The following ISX variants were observed in gnomAD, a reference collection of about 807,000 sequenced individuals.
ISX encodes the protein intestine specific homeobox.
Under a neutral mutation model 16.9 loss-of-function variants are expected in ISX, and 15 were observed. The observed-to-expected ratio is 0.89, with a 90% confidence interval of 0.59 to 1.36. The LOEUF (loss-of-function observed/expected upper bound fraction) is 1.36, where lower values mean the gene tolerates loss of function less well. Ranked by LOEUF, ISX falls within the 40% of genes most tolerant of loss-of-function variation. ISX has a pLI of 0.00. For missense variants in ISX, 316 were observed against 306.1 expected (o/e 1.03, Z -0.24); for synonymous variants, 125 against 119.7 (o/e 1.04, Z -0.29).
intron 4 of ISX, 81 bp downstream of exon 4, chr22:35,084,580 A>C (rs1201345989): frequency 5.7e-6 from 5 of 870,212 alleles, no homozygotes; most frequent in Non-Finnish European, 9.1e-6. Context: ...GTGAAGAAGC[A>C]CCTCGGGGGC....
chr22:35,079,681 G>A (rs1453291501), intron 2 of ISX, among the ~76,000 whole-genome samples: 1 of 152,116 alleles, frequency 6.6e-6, no homozygotes, highest in Non-Finnish European at 1.5e-5. Flanking sequence ...TTTCTTACAA[G>A]GAATGTGGAA....
Position 35,078,472 on chromosome 22 carries a change from A to G in ISX, c.230-4046A>G, listed in dbSNP as rs931177226. 2.0e-5 allele frequency among the ~76,000 whole-genome samples: 3 copies of G among 152,134 alleles called. No homozygotes were observed. The East Asian group carries it at 5.8e-4, about 29-fold the overall frequency. On this transcript the variant is annotated intron_variant, in intron 2 of 4. Coordinates refer to ENST00000404699, the MANE Select transcript of ISX (RefSeq NM_001303508.2). ...ATAGAATAAATATCTTTTTTTAAAAACCCATGAAGTTAAAAAGGCAGTGTG... is the reference window on the plus strand; with the variant it reads ...ATAGAATAAATATCTTTTTTTAAAAGCCCATGAAGTTAAAAAGGCAGTGTG...
intron 4 of ISX, 125 bp downstream of exon 4, chr22:35,084,624 A>C: frequency 1.7e-6 from 1 of 592,674 alleles, no homozygotes; most frequent in South Asian, 2.3e-5. Flanking sequence ...GGAAAATTAT[A>C]TTAGAAACAG....
In ISX at chr22:35,086,406, TGGGAAA is replaced by T. The variant is rs1348131692; in HGVS notation, c.*718_*723del. On this transcript the variant is annotated 3_prime_UTR_variant, in exon 5 of 5. Transcript: ENST00000404699. ...TAGTGTCTTTAGTTATCTTGCTGGATGGGAAAGGGATGTTGTCATTTCTGGCACAAA... is the reference window on the plus strand; with the variant it reads ...TAGTGTCTTTAGTTATCTTGCTGGATGGGATGTTGTCATTTCTGGCACAAA... 1.3e-5 allele frequency: 2 copies of T among 152,408 alleles called. No individual in the cohort carries two copies. Among genetic ancestry groups the T allele is most frequent in the Admixed American group, 1.3e-4 (2 of 15,302 alleles). 9.4% of individuals were successfully genotyped at this position (152,408 alleles called of 1,614,324 possible). A position where few individuals can be genotyped will look rare whatever the true frequency, so the allele number is the denominator to read the frequency against.
In ISX at chr22:35,083,232, C is replaced by T. The variant is rs145841647; in HGVS notation, c.381+563C>T. Among the ~76,000 whole-genome samples the T allele has an allele frequency of 3.7e-3, 563 of 151,966 alleles. 15 individuals carry two copies. Among genetic ancestry groups the T allele is most frequent in the Admixed American group, 0.032 (492 of 15,272 alleles). ...TTCTAGCCATTTAAAAATGTGAAAA[C>T]GATTCTTAGTTCATGAACCATTCAA... On this transcript the variant is annotated intron_variant, in intron 3 of 4. Coordinates refer to ENST00000404699, the MANE Select transcript of ISX (RefSeq NM_001303508.2).
chr22:35,085,387 G>C, intron 4 of ISX, 67 bp from the exon 5 acceptor site: 1 of 1,596,272 alleles, frequency 6.3e-7, no homozygotes, highest in African/African-American at 1.3e-5. Context: ...GCCATGGAGG[G>C]AAACGCTGAG....
intron 3 of ISX, among the ~76,000 whole-genome samples, chr22:35,083,064 G>A (rs542711339): frequency 6.6e-5 from 10 of 152,316 alleles, no homozygotes; most frequent in South Asian, 2.1e-4. Context: ...AGGGTATATC[G>A]TCAGTGTCAG....
chr22:35,068,022 A>G (rs1163258761), intron 2 of ISX, among the ~76,000 whole-genome samples: 8 of 152,228 alleles, frequency 5.3e-5, no homozygotes, highest in Non-Finnish European at 4.4e-5. Flanking sequence ...ACACCTGCTA[A>G]CAGTCAGGAA....
Position 35,082,632 on chromosome 22 carries a change from T to G in ISX, c.344T>G (p.Leu115Arg), listed in dbSNP as rs765363354. The G allele has an allele frequency of 1.9e-6, 3 of 1,614,184 alleles. No homozygotes were observed. Among genetic ancestry groups the G allele is most frequent in the Non-Finnish European group, 2.5e-6 (3 of 1,180,032 alleles). Reference sequence around the variant, plus strand: ...CCAGACGTTCACATCCGCAGCCAGCTGGCAGCCAGGATCAACCTCCCAGAA... The same window carrying G: ...CCAGACGTTCACATCCGCAGCCAGCGGGCAGCCAGGATCAACCTCCCAGAA... Reference protein sequence around the residue: ...HYPDVHIRSQLAARINLPEAR... With the variant: ...HYPDVHIRSQRAARINLPEAR... Residue 115 changes from leucine to arginine, a missense_variant, in exon 3 of 5, where the codon CTG (leucine) becomes CGG (arginine). Physicochemically the swap from Leu to Arg is moderately radical, Grantham distance 102. Transcript: ENST00000404699.
intron 2 of ISX, among the ~76,000 whole-genome samples, chr22:35,080,976 T>G (rs1313908068): frequency 6.6e-6 from 1 of 152,224 alleles, no homozygotes; most frequent in African/African-American, 2.4e-5. Flanking sequence ...GACCGAGCCT[T>G]CAGCTTTTCT....
rs866370902 is a variant in ISX at position 35,067,031 on chromosome 22, C to T, written c.-57C>T. ...CCCAGGAGGTTCAGGGGAGGAAGTA[C>T]GCCACTCTCCACTGGCACCCTCCTT... On this transcript the variant is annotated 5_prime_UTR_variant, in exon 2 of 5. It adds an upstream start codon to the 5' untranslated region. Transcript: ENST00000404699. 3.0e-5 allele frequency: 41 copies of T among 1,359,586 alleles called. No homozygotes were observed. The highest frequency in any genetic ancestry group is 1.1e-4 in the South Asian group (9 of 78,882). The allele number at this position is 1,359,586 out of a possible 1,614,324, so 84.2% of individuals were successfully genotyped here.
intron 2 of ISX, among the ~76,000 whole-genome samples, chr22:35,073,525 C>A (rs971415311): frequency 1.3e-5 from 2 of 152,168 alleles, no homozygotes; most frequent in African/African-American, 2.4e-5. Context: ...AGACAAATAA[C>A]CATCACATAA....
intron 2 of ISX, among the ~76,000 whole-genome samples, chr22:35,075,660 G>T (rs753892380): frequency 2.6e-5 from 4 of 152,150 alleles, no homozygotes; most frequent in South Asian, 2.1e-4. Context: ...GTATGTGTGG[G>T]TGTGTGGTGG....
chr22:35,077,469 G>C (rs1929013535), intron 2 of ISX, among the ~76,000 whole-genome samples: 2 of 151,896 alleles, frequency 1.3e-5, no homozygotes, highest in South Asian at 4.2e-4. Flanking sequence ...ATGACTCCAG[G>C]CTGAATTCTA....
chr22:35,071,712 GC>G (rs1310267689), intron 2 of ISX, among the ~76,000 whole-genome samples: 2 of 152,176 alleles, frequency 1.3e-5, no homozygotes, highest in East Asian at 3.9e-4. Context: ...GAGAGAAAGG[GC>G]CTCTTCAGTG....
intron 2 of ISX, among the ~76,000 whole-genome samples, chr22:35,078,167 A>ATTT (rs1929033568): frequency 1.5e-5 from 1 of 66,486 alleles, no homozygotes. Flanking sequence ...TCCCTTTTGT[A>ATTT]ATTTTTTTTT....
intron 2 of ISX, among the ~76,000 whole-genome samples, chr22:35,080,847 A>T (rs953921283): frequency 6.6e-6 from 1 of 152,252 alleles, no homozygotes; most frequent in Non-Finnish European, 1.5e-5. Flanking sequence ...TTCTGGACAG[A>T]TAAATCCCAG....
Position 35,067,011 on chromosome 22 carries a change from G to A in ISX, c.-77G>A, listed in dbSNP as rs769577544. On this transcript the variant is annotated 5_prime_UTR_variant, in exon 2 of 5. Coordinates refer to ENST00000404699, the MANE Select transcript of ISX (RefSeq NM_001303508.2). Reference sequence around the variant, plus strand: ...CCTCCACGCGCCCTCTTGACCCCAGGAGGTTCAGGGGAGGAAGTACGCCAC... The same window carrying A: ...CCTCCACGCGCCCTCTTGACCCCAGAAGGTTCAGGGGAGGAAGTACGCCAC... 4 of 1,077,178 alleles carry A rather than the reference G, an allele frequency of 3.7e-6. No individual in the cohort carries two copies. The highest frequency in any genetic ancestry group is 5.5e-6 in the Non-Finnish European group (4 of 724,364). 66.7% of individuals were successfully genotyped at this position (1,077,178 alleles called of 1,614,324 possible). A position where few individuals can be genotyped will look rare whatever the true frequency, so the allele number is the denominator to read the frequency against.
Position 35,086,031 on chromosome 22 carries a change from C to A in ISX, c.*338C>A. 2.8e-6 allele frequency: 1 copy of A among 362,268 alleles called. No individual in the cohort carries two copies. The highest frequency in any genetic ancestry group is 5.2e-6 in the Non-Finnish European group (1 of 190,796). 22.4% of individuals were successfully genotyped at this position (362,268 alleles called of 1,614,324 possible). A position where few individuals can be genotyped will look rare whatever the true frequency, so the allele number is the denominator to read the frequency against. On this transcript the variant is annotated 3_prime_UTR_variant, in exon 5 of 5. Transcript: ENST00000404699. ...TGACCTCCAGCCGGTCACTCACCCT[C>A]TCTGGACCTCATCTGTAAGAGGAGC...
Sources: allele counts gnomAD v4.1 joint callset (sites outside exome capture counted in the v4.1 genomes callset), GRCh38; gene constraint gnomAD v4.1.1; transcripts MANE v1.5; gene names NCBI Gene and HGNC (gene_info 2026-07-23, HGNC 2026-07-21).